LPIN1: variants seen among roughly 807,000 people sequenced by gnomAD.
LPIN1 encodes phosphatidate phosphatase LPIN1.
LPIN1 carries 71 observed loss-of-function variants against 107.5 expected under a neutral mutation model. The observed-to-expected ratio is 0.66, with a 90% CI of 0.55 to 0.80. The LOEUF is 0.80. Among genes scored for constraint, LPIN1 ranks in the 30% least tolerant of loss-of-function variants. The pLI, the probability that LPIN1 is intolerant of heterozygous loss-of-function variation, is 0.00. For synonymous variants in LPIN1, 445 were observed against 452.6 expected, an observed-to-expected ratio of 0.98 and a Z score of 0.21; for missense variants, 1,043 against 1,160.6, an observed-to-expected ratio of 0.90 and a Z score of 1.47.
chr2:11,823,981 C>T (rs756763081), intron 20 of LPIN1, among the ~76,000 whole-genome samples: 7 of 152,052 alleles, frequency 4.6e-5, no homozygotes, highest in East Asian at 1.9e-4. Flanking sequence ...TTCTCTAAGA[C>T]GTGTTGATAA....
intron 1 of LPIN1, among the ~76,000 whole-genome samples, chr2:11,694,142 T>C (rs1662452979): frequency 1.3e-5 from 2 of 151,754 alleles, no homozygotes; most frequent in African/African-American, 4.8e-5. Context: ...CCAAGAGCCA[T>C]ATATTTTTAA....
rs1670717436 is a variant in LPIN1, at chr2:11,765,533, G to A, written c.-9G>A. 1 of 1,612,620 alleles carries A rather than the reference G, an allele frequency of 6.2e-7. No individual in the cohort carries two copies. On this transcript the variant is annotated splice_region_variant and 5_prime_UTR_variant, in exon 2 of 21. In the 5' UTR this introduces an upstream ATG that the reference lacks. Coordinates refer to ENST00000674199, the MANE Select transcript of LPIN1 (RefSeq NM_001349206.2). The surrounding 1 kb of genome is among the most constrained non-coding windows in gnomAD (Gnocchi z 4.4). ...GTGTTTTTTTTTGTCTGTTTTCCAG[G>A]TGCAGACCATGAATTACGTGGGGCA...
chr2:11,810,633 C>T (rs1453371493), intron 17 of LPIN1, among the ~76,000 whole-genome samples: 1 of 152,144 alleles, frequency 6.6e-6, no homozygotes, highest in East Asian at 1.9e-4. Flanking sequence ...AGCAGTGGCT[C>T]TCAACTGACG....
intron 3 of LPIN1, among the ~76,000 whole-genome samples, chr2:11,770,636 C>G (rs1671693104): frequency 6.6e-6 from 1 of 152,196 alleles, no homozygotes; most frequent in Non-Finnish European, 1.5e-5. Flanking sequence ...TTTATCCCCT[C>G]TGTTTTATGT....
intron 1 of LPIN1, among the ~76,000 whole-genome samples, chr2:11,690,685 C>T (rs1206434137): frequency 6.6e-6 from 1 of 152,116 alleles, no homozygotes; most frequent in Non-Finnish European, 1.5e-5. Context: ...TGCTTCCTTA[C>T]TATATTTTAC....
chr2:11,819,949 A>G (rs1681235804), intron 19 of LPIN1, among the ~76,000 whole-genome samples: 1 of 152,230 alleles, frequency 6.6e-6, no homozygotes, highest in African/African-American at 2.4e-5. Context: ...TGGCGAATTC[A>G]GCATCTCACG....
At chr2:11,740,871 T>C (rs1416368811) in intron 1 of LPIN1, 1 of 152,514 alleles carries the variant, frequency 6.6e-6, no homozygotes, top group Non-Finnish European at 1.5e-5. Flanking sequence ...CTGTGGCTGC[T>C]AATCAGAGGA....
At chr2:11,751,783 C>A (rs1667830403) in intron 1 of LPIN1, among the ~76,000 whole-genome samples, 1 of 152,096 alleles carries the variant, frequency 6.6e-6, no homozygotes, top group South Asian at 2.1e-4. Context: ...ACCTGGGAGG[C>A]GGAGCTTGCA....
At chr2:11,750,916 A>G (rs1017518681) in intron 1 of LPIN1, among the ~76,000 whole-genome samples, 1 of 152,196 alleles carries the variant, frequency 6.6e-6, no homozygotes, top group African/African-American at 2.4e-5. Context: ...ATTCTTTTTG[A>G]CCAAGACACG....
chr2:11,802,047 A>T (rs1439901855), intron 14 of LPIN1, among the ~76,000 whole-genome samples: 1 of 152,134 alleles, frequency 6.6e-6, no homozygotes, highest in African/African-American at 2.4e-5. Context: ...AGGGCTTGGG[A>T]TGTGCTGCTT....
rs71446428 is a variant in LPIN1, at chr2:11,712,101, C to T, written c.82-1655C>T. On this transcript the variant is annotated intron_variant, in intron 1 of 21. Transcript: ENST00000449576. The stretch of plus-strand genomic sequence containing the variant: ...GGAGCACGCGAGGCCTTCGCCATGC[C>T]GGCCTCACTCACCCCTGCCTCCTTG... 5.9e-5 allele frequency among the ~76,000 whole-genome samples: 9 copies of T among 152,344 alleles called. No homozygotes were observed. The East Asian group carries it at 7.7e-4, about 13-fold the overall frequency.
chr2:11,688,704 C>T (rs973233736), intron 1 of LPIN1, among the ~76,000 whole-genome samples: 1 of 152,336 alleles, frequency 6.6e-6, no homozygotes, highest in Non-Finnish European at 1.5e-5. Flanking sequence ...ATACATACAA[C>T]ATTTTCAGCC....
intron 1 of LPIN1, 49 bp downstream of exon 1, chr2:11,746,720 C>T (rs1189601824): frequency 2.1e-6 from 2 of 936,600 alleles, no homozygotes; most frequent in Non-Finnish European, 2.5e-6. Flanking sequence ...GGGGCCGCAG[C>T]CTCGGGTTAG....
chr2:11,788,969 C>T (rs559752489), intron 12 of LPIN1, among the ~76,000 whole-genome samples: 8 of 152,212 alleles, frequency 5.3e-5, no homozygotes, highest in South Asian at 4.1e-4. Context: ...GGTAAGTGGC[C>T]GTAGGGAGGA....
chr2:11,754,364 G>T (rs556117427), intron 1 of LPIN1, among the ~76,000 whole-genome samples: 1 of 152,126 alleles, frequency 6.6e-6, no homozygotes, highest in Non-Finnish European at 1.5e-5. Flanking sequence ...GCAGTGAGTG[G>T]GTTTTGGGTA....
intron 1 of LPIN1, among the ~76,000 whole-genome samples, chr2:11,731,391 A>G (rs972780370): frequency 2.0e-5 from 3 of 152,214 alleles, no homozygotes; most frequent in Admixed American, 1.3e-4. Flanking sequence ...ATGTCCCTGC[A>G]AAGGACATGA....
At chr2:11,688,344 G>C (rs989405702) in intron 1 of LPIN1, among the ~76,000 whole-genome samples, 42 of 152,124 alleles carry the variant, frequency 2.8e-4, no homozygotes, top group Admixed American at 2.6e-4. Flanking sequence ...GAAACTCCTA[G>C]AGGAAGTAAC....
chr2:11,800,722 G>A (rs1268197557), intron 14 of LPIN1, among the ~76,000 whole-genome samples: 3 of 152,204 alleles, frequency 2.0e-5, no homozygotes, highest in Non-Finnish European at 4.4e-5. Context: ...GCAGTAAGGC[G>A]AGAGGAAGTT....
At chr2:11,746,764 C>A in intron 1 of LPIN1, 93 bp downstream of exon 1, 3 of 650,278 alleles carry the variant, frequency 4.6e-6, no homozygotes, top group Non-Finnish European at 5.7e-6. Context: ...GCGCTGAGGA[C>A]GCGTGGCGAG....
Sources: gnomAD v4.1 joint callset for allele counts (sites outside exome capture counted in the v4.1 genomes callset) on GRCh38, gnomAD v4.1.1 for gene constraint, Gnocchi (gnomAD v3.1) non-coding constraint, MANE v1.5 for transcripts, NCBI Gene and HGNC (gene_info 2026-07-23, HGNC 2026-07-21) for gene names.